SYTL3: variants seen among roughly 807,000 people sequenced by gnomAD.
SYTL3 encodes the protein synaptotagmin-like protein 3.
A neutral mutation model predicts 82.1 loss-of-function variants in SYTL3; 88 were observed. The ratio of observed to expected loss-of-function variants is 1.07; its 90% CI spans 0.90 to 1.28. The LOEUF (loss-of-function observed/expected upper bound fraction) is 1.28. SYTL3 is among the 50% of genes most tolerant of loss of function. SYTL3 has a pLI of 0.00. For missense variants in SYTL3, 831 were observed against 757.6 expected (o/e 1.10, Z -1.14); for synonymous variants, 311 against 289.4 (o/e 1.07, Z -0.76).
intron 13 of SYTL3, among the ~76,000 whole-genome samples, chr6:158,753,619 A>G (rs1788682366): frequency 6.6e-6 from 1 of 151,200 alleles, no homozygotes; most frequent in South Asian, 2.1e-4. Context: ...AGTCCCAGCT[A>G]CTTGGGAGAC....
At chr6:158,747,286 C>A (rs1787784549) in intron 12 of SYTL3, among the ~76,000 whole-genome samples, 1 of 152,246 alleles carries the variant, frequency 6.6e-6, no homozygotes, top group African/African-American at 2.4e-5. Flanking sequence ...TGTGCCTGGC[C>A]AGGCTTATTC....
intron 14 of SYTL3, among the ~76,000 whole-genome samples, chr6:158,759,447 T>G (rs1789608769): frequency 6.6e-6 from 1 of 152,210 alleles, no homozygotes; most frequent in Non-Finnish European, 1.5e-5. Flanking sequence ...GAGGGCTGCT[T>G]CTCAGTGCTG....
chr6:158,651,218 G>A lies in SYTL3; in HGVS notation c.-726-535G>A, dbSNP rs1314124413. ...AAGTACTTAAACTATCTGGTTCAGA[G>A]TAAGAGCTAAATAAATAGTAGCTGT... On this transcript the variant is annotated intron_variant, in intron 1 of 17. Transcript: ENST00000611299. Among the ~76,000 whole-genome samples, 3 of 152,314 alleles carry A rather than the reference G, an allele frequency of 2.0e-5. No individual in the cohort carries two copies. The East Asian group carries it at 5.8e-4, about 29-fold the overall frequency.
chr6:158,761,950 C>G (rs1204379222), intron 15 of SYTL3, 126 bp from the exon 16 acceptor site: 8 of 658,122 alleles, frequency 1.2e-5, no homozygotes, highest in Non-Finnish European at 1.8e-5. Flanking sequence ...CCACTCCCAT[C>G]TGCTCTCTCG....
At chr6:158,660,091 C>G (rs1223819107) in intron 2 of SYTL3, among the ~76,000 whole-genome samples, 2 of 151,742 alleles carry the variant, frequency 1.3e-5, no homozygotes, top group Admixed American at 1.3e-4. Flanking sequence ...ATGGTGAAAC[C>G]CCGTCTCTAC....
intron 13 of SYTL3, among the ~76,000 whole-genome samples, chr6:158,753,346 T>C (rs1490336739): frequency 6.6e-6 from 1 of 151,218 alleles, no homozygotes; most frequent in Non-Finnish European, 1.5e-5. Flanking sequence ...GCCTCCCAAA[T>C]GCTGAGATTA....
At chr6:158,694,256 T>G (rs554620190) in intron 6 of SYTL3, among the ~76,000 whole-genome samples, 33 of 152,266 alleles carry the variant, frequency 2.2e-4, no homozygotes, top group South Asian at 1.7e-3. Context: ...CCTGTGTTTC[T>G]AGATAATAAT....
chr6:158,673,440 A>ATTT lies in SYTL3; in HGVS notation c.329+7842_329+7844dup, dbSNP rs553781177. The stretch of plus-strand genomic sequence containing the variant: ...CTTACACAGCTTCTTTGGGAATAGC[A>ATTT]TTTTTTTTTTTTTTTTTGAGACGGA... On this transcript the variant is annotated intron_variant, in intron 5 of 17. Transcript: ENST00000611299. Among the ~76,000 whole-genome samples, 24 of 134,518 alleles carry ATTT rather than the reference A, an allele frequency of 1.8e-4. 1 individual carries two copies. Among genetic ancestry groups the ATTT allele is most frequent in the South Asian group, 2.4e-4 (1 of 4,204 alleles). 88.2% of individuals were successfully genotyped at this position (134,518 alleles called of 152,430 possible).
At chr6:158,660,423 G>A (rs1241204813) in intron 2 of SYTL3, among the ~76,000 whole-genome samples, 1 of 152,248 alleles carries the variant, frequency 6.6e-6, no homozygotes, top group East Asian at 1.9e-4. Context: ...TAGGGGGAGC[G>A]TGAGCTCCCT....
rs925649709 is a variant in SYTL3 at position 158,661,302 on chromosome 6, G to A, written c.-603G>A. The A allele has an allele frequency of 1.2e-4, 18 of 152,244 alleles. No homozygotes were observed. Among genetic ancestry groups the A allele is most frequent in the African/African-American group, 4.3e-4 (18 of 41,458 alleles). 9.4% of individuals were successfully genotyped at this position (152,244 alleles called of 1,614,324 possible). On this transcript the variant is annotated 5_prime_UTR_variant, in exon 3 of 18. Coordinates refer to ENST00000611299, the MANE Select transcript of SYTL3 (RefSeq NM_001242394.2). Reference sequence around the variant, plus strand: ...AGCCTTGGGGCACTGAGGGATGCCAGTTCTGCCTGTTCATCTGGAACCTGG... The same window carrying A: ...AGCCTTGGGGCACTGAGGGATGCCAATTCTGCCTGTTCATCTGGAACCTGG...
intron 9 of SYTL3, among the ~76,000 whole-genome samples, chr6:158,717,324 C>G (rs1783542416): frequency 6.8e-6 from 1 of 146,588 alleles, no homozygotes; most frequent in Middle Eastern, 3.2e-3. Context: ...TTTTTTTTAA[C>G]TTTTTAAATA....
intron 12 of SYTL3, among the ~76,000 whole-genome samples, chr6:158,745,872 TAC>T (rs1267741195): frequency 2.0e-5 from 3 of 152,174 alleles, no homozygotes; most frequent in Non-Finnish European, 4.4e-5. Flanking sequence ...AAAGTCCAGA[TAC>T]AGACCTTAGC....
chr6:158,720,848 G>A (rs1426414456), intron 10 of SYTL3, among the ~76,000 whole-genome samples: 3 of 152,292 alleles, frequency 2.0e-5, no homozygotes, highest in Admixed American at 6.5e-5. Context: ...CCCTGTCCAC[G>A]CCCCAGAGGT....
At chr6:158,726,285 AT>A in intron 11 of SYTL3, 1 of 438,564 alleles carries the variant, frequency 2.3e-6, no homozygotes, top group Non-Finnish European at 4.5e-6. Flanking sequence ...AATCATTGTT[AT>A]CCCCATGACA....
At chr6:158,681,416 G>T (rs900190248) in intron 5 of SYTL3, among the ~76,000 whole-genome samples, 5 of 152,080 alleles carry the variant, frequency 3.3e-5, no homozygotes, top group African/African-American at 1.2e-4. Flanking sequence ...GCCAAACAGG[G>T]CTCCTTTCCC....
chr6:158,709,388 T>C (rs896793765), intron 8 of SYTL3, among the ~76,000 whole-genome samples: 11 of 152,206 alleles, frequency 7.2e-5, no homozygotes, highest in African/African-American at 2.2e-4. Flanking sequence ...TTATTAATAA[T>C]ACAAAATAGA....
At chr6:158,654,656 A>C (rs1788452961) in intron 2 of SYTL3, among the ~76,000 whole-genome samples, 1 of 152,136 alleles carries the variant, frequency 6.6e-6, no homozygotes. Flanking sequence ...TGAGTTCCCC[A>C]AACAGCCCTG....
At chr6:158,673,593 C>CAA (rs1777649110) in intron 5 of SYTL3, among the ~76,000 whole-genome samples, 1 of 151,732 alleles carries the variant, frequency 6.6e-6, no homozygotes, top group Non-Finnish European at 1.5e-5. Flanking sequence ...GCGCTGGCCA[C>CAA]CATGCCCCCC....
chr6:158,739,493 G>C (rs7764917), intron 11 of SYTL3, among the ~76,000 whole-genome samples: 47,854 of 151,878 alleles, frequency 0.32, 8,148 homozygotes, highest in African/African-American at 0.44. Context: ...TTCAAATATA[G>C]CTTCTGCCCG....
Sources: gnomAD v4.1 joint callset for allele counts (sites outside exome capture counted in the v4.1 genomes callset) on GRCh38, gnomAD v4.1.1 for gene constraint, MANE v1.5 for transcripts, NCBI Gene and HGNC (gene_info 2026-07-23, HGNC 2026-07-21) for gene names.